CHRM5: variants seen among roughly 807,000 people sequenced by gnomAD.
The protein encoded by CHRM5 is muscarinic acetylcholine receptor M5.
In CHRM5, 18 loss-of-function variants were observed where a neutral mutation model predicts 39.0. That is an observed-to-expected ratio of 0.46 (90% CI 0.32 to 0.68). The LOEUF is 0.68. Ranked by LOEUF, CHRM5 falls within the 30% of genes least tolerant of loss-of-function variation. CHRM5 has a pLI of 0.04. For missense variants in CHRM5, 515 were observed against 651.1 expected (o/e 0.79, Z 2.28); for synonymous variants, 241 against 246.3 (o/e 0.98, Z 0.20).
At chr15:34,005,342 T>C (rs1449500706) in intron 1 of CHRM5, among the ~76,000 whole-genome samples, 1 of 152,192 alleles carries the variant, frequency 6.6e-6, no homozygotes, top group African/African-American at 2.4e-5. Context: ...TTAAGTCTCT[T>C]TGAATCTAGC....
intron 1 of CHRM5, among the ~76,000 whole-genome samples, chr15:34,028,898 G>GA (rs559083200): frequency 1.0e-3 from 151 of 145,662 alleles, no homozygotes; most frequent in South Asian, 0.01. Flanking sequence ...ACAGATGCCA[G>GA]AAAAAAAAAA....
chr15:34,048,725 GTCCCTGA>G (rs1372431693), intron 2 of CHRM5, among the ~76,000 whole-genome samples: 1 of 152,206 alleles, frequency 6.6e-6, no homozygotes, highest in Non-Finnish European at 1.5e-5. Flanking sequence ...CTTTAAGTGG[GTCCCTGA>G]TCCCATTCCT....
intron 1 of CHRM5, among the ~76,000 whole-genome samples, chr15:34,021,812 G>A (rs996561540): frequency 1.1e-4 from 17 of 152,092 alleles, no homozygotes; most frequent in East Asian, 3.9e-4. Flanking sequence ...CCGAGGTTGC[G>A]CCACTGCACT....
intron 2 of CHRM5, among the ~76,000 whole-genome samples, chr15:34,049,325 C>G (rs969522514): frequency 1.1e-4 from 17 of 152,182 alleles, no homozygotes; most frequent in African/African-American, 4.1e-4. Context: ...AATGCAGGAG[C>G]TGACAGCCAG....
At chr15:33,975,927 CAAAAGAAG>C (rs1287931306) in intron 1 of CHRM5, among the ~76,000 whole-genome samples, 5 of 151,832 alleles carry the variant, frequency 3.3e-5, no homozygotes, top group Non-Finnish European at 7.4e-5. Flanking sequence ...GACTATGTCT[CAAAAGAAG>C]AAAAGAAAAG....
chr15:33,988,959 AT>A (rs975907602), intron 1 of CHRM5, among the ~76,000 whole-genome samples: 3 of 151,698 alleles, frequency 2.0e-5, no homozygotes, highest in Admixed American at 6.6e-5. Context: ...AGCACATTTG[AT>A]TTTTTTTTCC....
chr15:34,038,813 C>T (rs1252765086), intron 1 of CHRM5: 79 of 1,194,274 alleles, frequency 6.6e-5, no homozygotes, highest in Non-Finnish European at 8.2e-5. Flanking sequence ...AGCCTCCCGG[C>T]TCCCGGCGGC....
At chr15:34,000,497 A>G (rs1017769376) in intron 1 of CHRM5, among the ~76,000 whole-genome samples, 1 of 152,222 alleles carries the variant, frequency 6.6e-6, no homozygotes, top group African/African-American at 2.4e-5. Context: ...CAATTTGGCA[A>G]TATCTAGAAA....
At position 34,056,640 on chromosome 15, in the gene CHRM5, A is replaced by G. The variant is rs1003768394; in HGVS notation, c.-75-6003A>G. Among the ~76,000 whole-genome samples, 5 of 152,180 alleles carry G rather than the reference A, an allele frequency of 3.3e-5. 1 individual carries two copies. Among genetic ancestry groups the G allele is most frequent in the Admixed American group, 3.3e-4 (5 of 15,270 alleles). ...AGTCTATGAGCAGACTCTGAGGAAG[A>G]CTGTGTTAGCCTCGGCTCTCCTCAA... On this transcript the variant is annotated intron_variant, in intron 2 of 2. Coordinates refer to ENST00000383263, the MANE Select transcript of CHRM5 (RefSeq NM_012125.4).
At chr15:34,054,597 C>T (rs1343614940) in intron 2 of CHRM5, among the ~76,000 whole-genome samples, 1 of 152,160 alleles carries the variant, frequency 6.6e-6, no homozygotes, top group Non-Finnish European at 1.5e-5. Context: ...AAACTAAACA[C>T]CGCATGTTCT....
intron 2 of CHRM5, among the ~76,000 whole-genome samples, chr15:34,054,846 A>G (rs781742060): frequency 6.6e-6 from 1 of 151,854 alleles, no homozygotes; most frequent in Admixed American, 6.6e-5. Flanking sequence ...CTTAAGATAA[A>G]TGTTGGGAAA....
At position 34,016,148 on chromosome 15, in the gene CHRM5, C is replaced by T. The variant is rs1037382535; in HGVS notation, c.-407-30392C>T. On this transcript the variant is annotated intron_variant, in intron 1 of 2. Coordinates refer to ENST00000383263, the MANE Select transcript of CHRM5 (RefSeq NM_012125.4). ...AAAATTAGCTGGGCATGGTGGTGCA[C>T]GCCTGTAATTCCAGCTACTCGGTTA... is the stretch of plus-strand genomic sequence containing the variant. Among the ~76,000 whole-genome samples the T allele has an allele frequency of 4.6e-5, 7 of 152,110 alleles. No homozygotes were observed. The South Asian group carries it at 1.2e-3, about 27-fold the overall frequency.
chr15:34,000,614 A>C (rs948849645), intron 1 of CHRM5, among the ~76,000 whole-genome samples: 13 of 152,234 alleles, frequency 8.5e-5, no homozygotes, highest in Non-Finnish European at 1.9e-4. Flanking sequence ...TTCAAGGAGT[A>C]TGGTCAGCTT....
At chr15:34,031,582 C>A (rs1349886372) in intron 1 of CHRM5, among the ~76,000 whole-genome samples, 1 of 152,136 alleles carries the variant, frequency 6.6e-6, no homozygotes, top group Non-Finnish European at 1.5e-5. Flanking sequence ...GGCAAGAGGA[C>A]TCAAAGGTAG....
In CHRM5 at chr15:34,065,670, G is replaced by A. The variant is rs779434211; in HGVS notation, c.*1354G>A. On this transcript the variant is annotated 3_prime_UTR_variant, in exon 3 of 3. Coordinates refer to ENST00000383263, the MANE Select transcript of CHRM5 (RefSeq NM_012125.4). ...TAAAAATAAAACAGTTGACATGCATGACAGCATGAGGATTATTAAAAACCA... is the reference window on the plus strand; with the variant it reads ...TAAAAATAAAACAGTTGACATGCATAACAGCATGAGGATTATTAAAAACCA... The A allele has an allele frequency of 6.6e-6, 1 of 152,186 alleles. No homozygotes were observed. Among genetic ancestry groups the A allele is most frequent in the Non-Finnish European group, 1.5e-5 (1 of 68,042 alleles). 9.4% of individuals were successfully genotyped at this position (152,186 alleles called of 1,614,324 possible). A position where few individuals can be genotyped will look rare whatever the true frequency, so the allele number is the denominator to read the frequency against.
intron 1 of CHRM5, among the ~76,000 whole-genome samples, chr15:34,010,132 C>G (rs559952373): frequency 6.8e-4 from 103 of 152,196 alleles, no homozygotes; most frequent in African/African-American, 2.4e-3. Flanking sequence ...ATTAGACTGA[C>G]TAGACAAAAG....
At chr15:34,015,488 T>A (rs138161905) in intron 1 of CHRM5, among the ~76,000 whole-genome samples, 6 of 150,200 alleles carry the variant, frequency 4.0e-5, no homozygotes, top group African/African-American at 1.2e-4. Flanking sequence ...TCTCAAAAAA[T>A]AAAAAAAAAT....
intron 2 of CHRM5, among the ~76,000 whole-genome samples, chr15:34,062,246 A>G (rs1900357890): frequency 6.6e-6 from 1 of 152,196 alleles, no homozygotes; most frequent in African/African-American, 2.4e-5. Flanking sequence ...AGCCACGTTT[A>G]ATATTCCATT....
intron 1 of CHRM5, among the ~76,000 whole-genome samples, chr15:33,979,849 C>T (rs1896058115): frequency 6.6e-6 from 1 of 152,146 alleles, no homozygotes; most frequent in African/African-American, 2.4e-5. Context: ...ATATATTTTT[C>T]TTTTATCAAC....
Sources: allele counts gnomAD v4.1 joint callset (sites outside exome capture counted in the v4.1 genomes callset), GRCh38; gene constraint gnomAD v4.1.1; transcripts MANE v1.5; gene names NCBI Gene and HGNC (gene_info 2026-07-23, HGNC 2026-07-21).